The following MACF1 variants were observed in gnomAD, a reference collection of about 807,000 sequenced individuals.
The protein encoded by MACF1 is microtubule actin crosslinking factor 1, also known as microtubule-actin cross-linking factor 1.
Under a neutral mutation model 854.8 loss-of-function variants are expected in MACF1, and 193 were observed. The observed-to-expected ratio is 0.23, with a 90% CI of 0.20 to 0.25. The LOEUF (loss-of-function observed/expected upper bound fraction) is 0.25. MACF1 is among the 10% of genes least tolerant of loss of function. The pLI is 1.00. For synonymous variants in MACF1, 3,185 were observed against 3,226.7 expected, an observed-to-expected ratio of 0.99 and a Z score of 0.44; for missense variants, 7,722 against 8,929.1, an observed-to-expected ratio of 0.86 and a Z score of 5.45.
intron 26 of MACF1, among the ~76,000 whole-genome samples, chr1:39,314,569 T>TCACA (rs58459573): frequency 0.032 from 2,121 of 65,284 alleles, 77 homozygotes; most frequent in African/African-American, 0.089. Context: ...TCTCTCTCTC[T>TCACA]CACACACACA....
At chr1:39,348,129 T>C (rs1647098032) in intron 41 of MACF1, among the ~76,000 whole-genome samples, 1 of 152,220 alleles carries the variant, frequency 6.6e-6, no homozygotes, top group African/African-American at 2.4e-5. Context: ...ATTAGGGTAG[T>C]TGGTGCCATA....
chr1:39,231,284 C>A, intron 2 of MACF1, 41 bp downstream of exon 2: 1 of 1,529,552 alleles, frequency 6.5e-7, no homozygotes, highest in Non-Finnish European at 9.1e-7. Context: ...GCACCTCTCA[C>A]TGCTCTCATC....
chr1:39,469,703 G>A lies in MACF1; in HGVS notation c.21958+88G>A, dbSNP rs1570195124. Reference sequence around the variant, plus strand: ...TTAAACTGTAACATCTCTTGGTTCTGTGTATCTGCTGCATTCATGAATGCT... The same window carrying A: ...TTAAACTGTAACATCTCTTGGTTCTATGTATCTGCTGCATTCATGAATGCT... On this transcript the variant is annotated intron_variant, in intron 97 of 100. Transcript: ENST00000564288. 2.9e-6 allele frequency: 3 copies of A among 1,030,264 alleles called. No individual in the cohort carries two copies. The East Asian group carries it at 7.8e-5, about 27-fold the overall frequency. 63.8% of individuals were successfully genotyped at this position (1,030,264 alleles called of 1,614,324 possible).
At chr1:39,228,577 C>T (rs1644743658) in intron 1 of MACF1, among the ~76,000 whole-genome samples, 1 of 152,184 alleles carries the variant, frequency 6.6e-6, no homozygotes, top group African/African-American at 2.4e-5. Flanking sequence ...GTGATCAAAT[C>T]TAATGAGAAT....
chr1:39,348,619 A>T (rs1039801796), intron 41 of MACF1, among the ~76,000 whole-genome samples: 1 of 152,060 alleles, frequency 6.6e-6, no homozygotes, highest in Non-Finnish European at 1.5e-5. Context: ...AAAGAGGGGG[A>T]GAGAGGGCCA....
chr1:39,353,471 A>G (rs1647272263), intron 44 of MACF1, among the ~76,000 whole-genome samples: 1 of 152,112 alleles, frequency 6.6e-6, no homozygotes, highest in Non-Finnish European at 1.5e-5. Context: ...TCAAATACTG[A>G]TGTTTCCAGG....
At chr1:39,386,371 C>T (rs1365824360) in intron 57 of MACF1, among the ~76,000 whole-genome samples, 1 of 151,958 alleles carries the variant, frequency 6.6e-6, no homozygotes, top group Non-Finnish European at 1.5e-5. Context: ...AGTGAACCTC[C>T]CACCTCAGCC....
At chr1:39,435,516 G>GTATAAAAGTACTCATTATGGTT (rs1157625599) in intron 69 of MACF1, 42 bp from the exon 70 acceptor site, 1 of 1,472,646 alleles carries the variant, frequency 6.8e-7, no homozygotes, top group Non-Finnish European at 9.5e-7. Context: ...ACATAAACTG[G>GTATAAAAGTACTCATTATGGTT]TATAAAAGTA....
intron 52 of MACF1, among the ~76,000 whole-genome samples, chr1:39,373,630 A>G (rs1649448312): frequency 6.6e-6 from 1 of 151,782 alleles, no homozygotes; most frequent in South Asian, 2.1e-4. Flanking sequence ...AGGTGGGCTG[A>G]TCACTTGAGG....
In MACF1 at chr1:39,270,903, C is replaced by T. The variant is rs368315665; in HGVS notation, c.529-11305C>T. 7.2e-5 allele frequency among the ~76,000 whole-genome samples: 11 copies of T among 152,224 alleles called. No individual in the cohort carries two copies. In the East Asian group the frequency reaches 1.9e-3, roughly 27 times the overall value. On this transcript the variant is annotated intron_variant, in intron 6 of 100. Transcript: ENST00000564288. ...TTTCCTCTTTGGGGATACATTTTCC[C>T]CACAGACAGCCCCATCTTAGTGCCC...
chr1:39,453,907 T>G, intron 88 of MACF1, 57 bp downstream of exon 88: 1 of 1,539,156 alleles, frequency 6.5e-7, no homozygotes, highest in Non-Finnish European at 8.8e-7. Flanking sequence ...CACTATAGTA[T>G]AGTATAGTAT....
chr1:39,246,103 T>C (rs576322094), intron 2 of MACF1, among the ~76,000 whole-genome samples: 1 of 152,324 alleles, frequency 6.6e-6, no homozygotes, highest in African/African-American at 2.4e-5. Flanking sequence ...TTCACTGTTA[T>C]TGTTTTGTTT....
chr1:39,261,504 C>G (rs1197154818), intron 6 of MACF1, among the ~76,000 whole-genome samples: 1 of 152,164 alleles, frequency 6.6e-6, no homozygotes, highest in Non-Finnish European at 1.5e-5. Flanking sequence ...AATTTATTTT[C>G]TATCTTGATA....
At position 39,361,215 on chromosome 1, in the gene MACF1, C is replaced by T. The variant is rs1648159665; in HGVS notation, c.12454-145C>T. ...GTCATGTGGTAGAAGGGGTGGAGAA[C>T]TAAGGTGATGAGATGTGTGGTATTC... On this transcript the variant is annotated intron_variant, in intron 48 of 100. Transcript: ENST00000564288. The T allele has an allele frequency of 3.5e-6, 3 of 861,462 alleles. No homozygotes were observed. In the Admixed American group the frequency reaches 8.2e-5, roughly 23 times the overall value. The allele number at this position is 861,462 out of a possible 1,614,324, so 53.4% of individuals were successfully genotyped here.
chr1:39,311,491 T>C (rs189713219), intron 26 of MACF1, among the ~76,000 whole-genome samples: 17 of 152,332 alleles, frequency 1.1e-4, no homozygotes, highest in Admixed American at 7.2e-4. Flanking sequence ...ATGCACGATA[T>C]AGGGTTATTT....
At position 39,334,590 on chromosome 1, in the gene MACF1, C is replaced by G; in HGVS notation, c.8002C>G (p.Gln2668Glu). Residue 2668 changes from glutamine to glutamate, a missense_variant, in exon 37 of 101, where the codon CAA becomes GAA. Gln to Glu is a conservative substitution (Grantham distance 29). Coordinates refer to ENST00000564288, the MANE Select transcript of MACF1 (RefSeq NM_001394062.1). ...GVSDKVLTLS[Q>E]AIQLGKVDFA... Reference sequence around the variant, plus strand: ...GAGCGACAAAGTGCTTACATTGTCTCAAGCAATTCAGCTTGGAAAAGTAGA... The same window carrying G: ...GAGCGACAAAGTGCTTACATTGTCTGAAGCAATTCAGCTTGGAAAAGTAGA... 6.2e-7 allele frequency: 1 copy of G among 1,614,102 alleles called. No homozygotes were observed. Among genetic ancestry groups the G allele is most frequent in the Non-Finnish European group, 8.5e-7 (1 of 1,180,016 alleles).
intron 21 of MACF1, 47 bp downstream of exon 21, chr1:39,297,792 A>G (rs1645954351): frequency 6.2e-7 from 1 of 1,604,474 alleles, no homozygotes; most frequent in Non-Finnish European, 8.5e-7. Context: ...AAAGAGAGTA[A>G]ACCATATCAG....
chr1:39,456,279 A>G (rs1644437126), intron 89 of MACF1, among the ~76,000 whole-genome samples: 1 of 152,174 alleles, frequency 6.6e-6, no homozygotes, highest in Non-Finnish European at 1.5e-5. Context: ...GGTTGCAGTG[A>G]GCTGTGATCG....
intron 16 of MACF1, 37 bp downstream of exon 16, chr1:39,292,075 G>A (rs758355573): frequency 3.0e-5 from 49 of 1,609,802 alleles, no homozygotes; most frequent in Admixed American, 1.8e-4. Flanking sequence ...CAGGAGGGAC[G>A]TGGTTGGAAC....
Sources: allele counts gnomAD v4.1 joint callset (sites outside exome capture counted in the v4.1 genomes callset), GRCh38; gene constraint gnomAD v4.1.1; transcripts MANE v1.5; gene names NCBI Gene and HGNC (gene_info 2026-07-23, HGNC 2026-07-21).